CERT1: variants seen among roughly 807,000 people sequenced by gnomAD.
CERT1 encodes ceramide transporter 1, also known as ceramide transfer protein.
A neutral mutation model predicts 87.9 loss-of-function variants in CERT1; 31 were observed. The ratio of observed to expected loss-of-function variants is 0.35; its 90% CI spans 0.27 to 0.48. CERT1 has a LOEUF of 0.48. Among genes scored for constraint, CERT1 ranks in the 20% least tolerant of loss-of-function variants. CERT1 has a pLI of 0.99. For synonymous variants in CERT1, 289 were observed against 250.9 expected, an observed-to-expected ratio of 1.15 and a Z score of -1.44; for missense variants, 487 against 758.0, an observed-to-expected ratio of 0.64 and a Z score of 4.20.
chr5:75,448,989 T>C (rs1486235467), intron 3 of CERT1, among the ~76,000 whole-genome samples: 1 of 152,180 alleles, frequency 6.6e-6, no homozygotes, highest in Non-Finnish European at 1.5e-5. Flanking sequence ...GTAAACATTA[T>C]AAAAACTTGA....
chr5:75,420,144 T>C (rs772333717), intron 5 of CERT1, among the ~76,000 whole-genome samples: 4 of 150,848 alleles, frequency 2.7e-5, no homozygotes, highest in Non-Finnish European at 4.4e-5. Context: ...AGCCAGCTAA[T>C]ATTTTTGTAT....
downstream of CERT1, chr5:75,375,538 T>G (rs146930551): frequency 2.0e-5 from 3 of 150,516 alleles, no homozygotes; most frequent in African/African-American, 7.3e-5. Context: ...CTGAGATCGC[T>G]CCAGTGTACT....
chr5:75,436,847 G>A (rs1340386899), intron 3 of CERT1, among the ~76,000 whole-genome samples: 1 of 152,058 alleles, frequency 6.6e-6, no homozygotes, highest in East Asian at 1.9e-4. Flanking sequence ...TGGCTTGCAG[G>A]AGCCTCGATC....
At chr5:75,510,653 C>T (rs2112489392) in intron 1 of CERT1, among the ~76,000 whole-genome samples, 1 of 152,300 alleles carries the variant, frequency 6.6e-6, no homozygotes, top group Admixed American at 6.5e-5. Context: ...AATTTCAACA[C>T]CAAGCTGAGT....
intron 10 of CERT1, among the ~76,000 whole-genome samples, 183 bp downstream of exon 10, chr5:75,400,022 C>T (rs557239190): frequency 2.6e-5 from 4 of 152,240 alleles, no homozygotes; most frequent in African/African-American, 4.8e-5. Context: ...ATCCCAGCTA[C>T]CAGGGAGGCT....
At position 75,420,962 on chromosome 5, in the gene CERT1, G is replaced by A. The variant is rs147390822; in HGVS notation, c.596-1538C>T. Reference sequence around the variant, plus strand: ...GCCCCTTGAGCAGCTGGGAACACAGGTGCACACCACCAGCCCAGCTAATTT... The same window carrying A: ...GCCCCTTGAGCAGCTGGGAACACAGATGCACACCACCAGCCCAGCTAATTT... On this transcript the variant is annotated intron_variant, in intron 5 of 16. Transcript: ENST00000643780. Among the ~76,000 whole-genome samples, 96 of 152,188 alleles carry A rather than the reference G, an allele frequency of 6.3e-4. No homozygotes were observed. In the East Asian group the frequency reaches 0.016, roughly 25 times the overall value.
chr5:75,427,406 C>G (rs986219727), intron 3 of CERT1, among the ~76,000 whole-genome samples: 1 of 152,146 alleles, frequency 6.6e-6, no homozygotes, highest in Non-Finnish European at 1.5e-5. Flanking sequence ...TGAGACCAGC[C>G]TGGCCAATAT....
At chr5:75,440,829 GCTGCCCCCATTCT>G (rs1764292480) in intron 3 of CERT1, among the ~76,000 whole-genome samples, 1 of 152,042 alleles carries the variant, frequency 6.6e-6, no homozygotes, top group Admixed American at 6.6e-5. Context: ...GGCCATAACA[GCTGCCCCCATTCT>G]CTGCTTGGTT....
intron 3 of CERT1, among the ~76,000 whole-genome samples, chr5:75,453,947 G>A (rs572686816): frequency 5.8e-4 from 88 of 152,134 alleles, no homozygotes; most frequent in Admixed American, 1.4e-3. Context: ...AGAAACCCCC[G>A]ACCTCTTCCT....
chr5:75,426,225 C>T (rs1018940057), intron 4 of CERT1, 146 bp downstream of exon 4: 3 of 482,144 alleles, frequency 6.2e-6, no homozygotes, highest in Non-Finnish European at 1.1e-5. Context: ...TTATTTTATA[C>T]CTTAAAAAGT....
At chr5:75,429,040 GTAATCT>G (rs1354482105) in intron 3 of CERT1, among the ~76,000 whole-genome samples, 1 of 151,712 alleles carries the variant, frequency 6.6e-6, no homozygotes, top group Non-Finnish European at 1.5e-5. Context: ...GGATCTTATA[GTAATCT>G]CTGGATTTTC....
At chr5:75,412,376 A>C (rs532105703) in intron 7 of CERT1, among the ~76,000 whole-genome samples, 1 of 152,254 alleles carries the variant, frequency 6.6e-6, no homozygotes, top group East Asian at 1.9e-4. Context: ...AGCTCTTCCT[A>C]TTTCCCCTTA....
chr5:75,435,604 T>C (rs1246642935), intron 3 of CERT1, among the ~76,000 whole-genome samples: 4 of 152,168 alleles, frequency 2.6e-5, no homozygotes, highest in African/African-American at 9.7e-5. Context: ...CTTTCTTTTT[T>C]TATATTGTTT....
intron 11 of CERT1, among the ~76,000 whole-genome samples, chr5:75,393,956 C>T (rs1762141477): frequency 6.6e-6 from 1 of 151,964 alleles, no homozygotes; most frequent in South Asian, 2.1e-4. Flanking sequence ...CATAGCAAGA[C>T]TCCACCTCAA....
intron 2 of CERT1, among the ~76,000 whole-genome samples, chr5:75,501,009 G>A (rs1468113047): frequency 6.9e-6 from 1 of 145,086 alleles, no homozygotes. Flanking sequence ...TTTTTTTTGA[G>A]ACAGGGTCTC....
At chr5:75,424,352 C>A (rs1316418867) in intron 5 of CERT1, among the ~76,000 whole-genome samples, 2 of 151,878 alleles carry the variant, frequency 1.3e-5, no homozygotes, top group African/African-American at 4.8e-5. Flanking sequence ...AAGGCCGAGG[C>A]GGGCAGATCA....
chr5:75,374,564 G>C, downstream of CERT1: 1 of 712,422 alleles, frequency 1.4e-6, no homozygotes, highest in South Asian at 1.3e-5. Context: ...CCAAGGACAA[G>C]GCCATTAAGA....
chr5:75,434,720 C>T (rs1440592603), intron 3 of CERT1, among the ~76,000 whole-genome samples: 2 of 151,528 alleles, frequency 1.3e-5, no homozygotes, highest in Non-Finnish European at 2.9e-5. Flanking sequence ...CCTGGTCAAA[C>T]CTTGGAAGGT....
In CERT1 at chr5:75,381,068, A is replaced by G. The variant is rs781623182; in HGVS notation, c.1747+4T>C. ...TCAAAGAGCAAAAACAATAAAATAC[A>G]TACCATTAGCTACATATGTAATCTT... is the stretch of plus-strand genomic sequence containing the variant. On this transcript the variant is annotated splice_donor_region_variant and intron_variant, in intron 16 of 16. Transcript: ENST00000643780. The G allele has an allele frequency of 3.7e-6, 6 of 1,613,964 alleles. No individual in the cohort carries two copies. In the South Asian group the frequency reaches 6.6e-5, roughly 18 times the overall value.
Sources: gnomAD v4.1 joint callset for allele counts (sites outside exome capture counted in the v4.1 genomes callset) on GRCh38, gnomAD v4.1.1 for gene constraint, MANE v1.5 for transcripts, NCBI Gene and HGNC (gene_info 2026-07-23, HGNC 2026-07-21) for gene names.